Variants in GABRR1 observed in about 807,000 individuals in gnomAD.
GABRR1 encodes gamma-aminobutyric acid receptor subunit rho-1.
In GABRR1, 59 loss-of-function variants were observed where a neutral mutation model predicts 55.5. The ratio of observed to expected loss-of-function variants is 1.06; its 90% CI spans 0.86 to 1.32. GABRR1 has a LOEUF of 1.32. Among genes scored for constraint, GABRR1 ranks in the 40% most tolerant of loss-of-function variants. The pLI, the probability that GABRR1 is intolerant of heterozygous loss-of-function variation, is 0.00. For missense variants in GABRR1, 602 were observed against 619.1 expected, an observed-to-expected ratio of 0.97 and a Z score of 0.29; for synonymous variants, 213 against 226.0, an observed-to-expected ratio of 0.94 and a Z score of 0.51.
chr6:89,188,037 A>T (rs1361891178), intron 6 of GABRR1, among the ~76,000 whole-genome samples: 1 of 149,732 alleles, frequency 6.7e-6, no homozygotes, highest in African/African-American at 2.5e-5. Flanking sequence ...TTTTTTAGAC[A>T]TGGGGGTCTT....
chr6:89,228,780 T>C (rs1214054145), intron 1 of GABRR1, among the ~76,000 whole-genome samples: 1 of 151,824 alleles, frequency 6.6e-6, no homozygotes, highest in Non-Finnish European at 1.5e-5. Context: ...GTCTATTAGG[T>C]CCGCTTAGTG....
At chr6:89,185,579 C>G (rs957370441) in intron 6 of GABRR1, 129 bp from the exon 7 acceptor site, 2 of 771,220 alleles carry the variant, frequency 2.6e-6, no homozygotes, top group African/African-American at 3.4e-5. Flanking sequence ...GTTTGAAAAA[C>G]AAACCACAGT....
chr6:89,199,647 T>C (rs1055130148), intron 3 of GABRR1, among the ~76,000 whole-genome samples: 1 of 152,160 alleles, frequency 6.6e-6, no homozygotes, highest in Non-Finnish European at 1.5e-5. Context: ...CCTTTCTTGG[T>C]TATATATGCT....
intron 6 of GABRR1, among the ~76,000 whole-genome samples, chr6:89,187,717 A>G (rs1004187707): frequency 2.0e-5 from 3 of 152,192 alleles, no homozygotes; most frequent in Middle Eastern, 3.2e-3. Context: ...GTGACATCAT[A>G]CAGTATTTGT....
At chr6:89,228,736 A>G (rs1773235373) in intron 1 of GABRR1, among the ~76,000 whole-genome samples, 1 of 148,086 alleles carries the variant, frequency 6.8e-6, no homozygotes, top group South Asian at 2.2e-4. Context: ...AAAAATGTAT[A>G]TTCTGTTGAT....
At chr6:89,185,510 G>A (rs1336841200) in intron 6 of GABRR1, 60 bp from the exon 7 acceptor site, 1 of 1,492,110 alleles carries the variant, frequency 6.7e-7, no homozygotes, top group Non-Finnish European at 9.3e-7. Flanking sequence ...TGGTCTGTGG[G>A]GCTATGTAGA....
chr6:89,205,969 C>A lies in GABRR1; in HGVS notation c.123-2484G>T, dbSNP rs188451765. On this transcript the variant is annotated intron_variant, in intron 1 of 9. Transcript: ENST00000454853. Reference sequence around the variant, plus strand: ...TCTAGCTCCACTTCTCAGACATGTACTGCTCATAGGGCTACATTTTTCTGA... The same window carrying A: ...TCTAGCTCCACTTCTCAGACATGTAATGCTCATAGGGCTACATTTTTCTGA... 2.0e-5 allele frequency among the ~76,000 whole-genome samples: 3 copies of A among 149,416 alleles called. No homozygotes were observed. In the South Asian group the frequency reaches 6.5e-4, roughly 32 times the overall value.
intron 1 of GABRR1, among the ~76,000 whole-genome samples, chr6:89,208,458 T>C (rs1772718658): frequency 6.6e-6 from 1 of 152,218 alleles, no homozygotes; most frequent in Non-Finnish European, 1.5e-5. Context: ...CTTGTTCTGG[T>C]CAAACATCAG....
At chr6:89,179,936 C>T (rs577914854) in intron 9 of GABRR1, among the ~76,000 whole-genome samples, 1 of 152,202 alleles carries the variant, frequency 6.6e-6, no homozygotes, top group African/African-American at 2.4e-5. Flanking sequence ...TTATTACACC[C>T]TTATGTTCAT....
chr6:89,211,312 G>A (rs774637771), intron 1 of GABRR1, among the ~76,000 whole-genome samples: 31 of 152,098 alleles, frequency 2.0e-4, no homozygotes, highest in South Asian at 2.1e-4. Context: ...ATGCCACATT[G>A]TTGCCGCCCC....
chr6:89,201,894 C>A (rs1772486494), intron 2 of GABRR1, among the ~76,000 whole-genome samples: 1 of 152,064 alleles, frequency 6.6e-6, no homozygotes, highest in Non-Finnish European at 1.5e-5. Context: ...AATGTGTAAC[C>A]AAGACTGAAA....
chr6:89,203,352 G>A lies in GABRR1; in HGVS notation c.173+83C>T, dbSNP rs929226811. On this transcript the variant is annotated intron_variant, in intron 2 of 9. Transcript: ENST00000454853. ...TTCTGATCCTTGGTGAGGGGTCGGG[G>A]AGGGGCCCTGCTGAAAATCACTACA... 1.6e-4 allele frequency: 200 copies of A among 1,224,838 alleles called. 1 individual carries two copies. Among genetic ancestry groups the A allele is most frequent in the Non-Finnish European group, 2.0e-4 (168 of 825,932 alleles). 75.9% of individuals were successfully genotyped at this position (1,224,838 alleles called of 1,614,324 possible). A position where few individuals can be genotyped will look rare whatever the true frequency, so the allele number is the denominator to read the frequency against.
At chr6:89,192,807 G>A (rs1040767176) in intron 5 of GABRR1, among the ~76,000 whole-genome samples, 6 of 152,038 alleles carry the variant, frequency 3.9e-5, no homozygotes, top group East Asian at 1.9e-4. Flanking sequence ...ATGATCCACC[G>A]GATCAGCCTT....
At chr6:89,210,650 C>T (rs1473234663) in intron 1 of GABRR1, among the ~76,000 whole-genome samples, 1 of 152,120 alleles carries the variant, frequency 6.6e-6, no homozygotes, top group Non-Finnish European at 1.5e-5. Flanking sequence ...ATAGTGCCCT[C>T]AATACATATT....
At chr6:89,200,003 A>C (rs1772413798) in intron 3 of GABRR1, among the ~76,000 whole-genome samples, 1 of 152,104 alleles carries the variant, frequency 6.6e-6, no homozygotes, top group African/African-American at 2.4e-5. Flanking sequence ...AATATTGATA[A>C]AGAGTAAGGA....
At chr6:89,200,908 C>T (rs1383059408) in intron 3 of GABRR1, among the ~76,000 whole-genome samples, 1 of 152,166 alleles carries the variant, frequency 6.6e-6, no homozygotes, top group Non-Finnish European at 1.5e-5. Flanking sequence ...GTTGGCCTCC[C>T]TCATCGTGAG....
At chr6:89,195,438 G>A (rs1384482164) in intron 5 of GABRR1, among the ~76,000 whole-genome samples, 1 of 151,884 alleles carries the variant, frequency 6.6e-6, no homozygotes, top group Non-Finnish European at 1.5e-5. Context: ...ACTCCAGCCT[G>A]GGCAGCAGAG....
At position 89,201,366 on chromosome 6, in the gene GABRR1, G is replaced by A. The variant is rs1772466583; in HGVS notation, c.174-101C>T. On this transcript the variant is annotated intron_variant, in intron 2 of 9. Coordinates refer to ENST00000454853, the MANE Select transcript of GABRR1 (RefSeq NM_002042.5). Reference sequence around the variant, plus strand: ...GATCTTGATAGGTGTGATGGGGTGTGCTATTTCTTCTTTTAAGCTATTGGA... The same window carrying A: ...GATCTTGATAGGTGTGATGGGGTGTACTATTTCTTCTTTTAAGCTATTGGA... The A allele has an allele frequency of 2.3e-5, 17 of 743,884 alleles. No homozygotes were observed. The South Asian group carries it at 2.8e-4, about 12-fold the overall frequency. 46.1% of individuals were successfully genotyped at this position (743,884 alleles called of 1,614,324 possible). A position where few individuals can be genotyped will look rare whatever the true frequency, so the allele number is the denominator to read the frequency against.
At chr6:89,209,138 C>G (rs1298876888) in intron 1 of GABRR1, among the ~76,000 whole-genome samples, 1 of 147,906 alleles carries the variant, frequency 6.8e-6, no homozygotes, top group East Asian at 1.9e-4. Flanking sequence ...GCCTATCATC[C>G]AAGTTGCGGG....
Sources: gnomAD v4.1 joint callset for allele counts (sites outside exome capture counted in the v4.1 genomes callset) on GRCh38, gnomAD v4.1.1 for gene constraint, MANE v1.5 for transcripts, NCBI Gene and HGNC (gene_info 2026-07-23, HGNC 2026-07-21) for gene names.